Variants in TET3 observed in about 807,000 individuals in gnomAD.
TET3 encodes the protein methylcytosine dioxygenase TET3.
In TET3, 19 loss-of-function variants were observed where a neutral mutation model predicts 141.4. The ratio of observed to expected loss-of-function variants is 0.13; its 90% confidence interval spans 0.09 to 0.20. The LOEUF (loss-of-function observed/expected upper bound fraction) is 0.20. Among genes scored for constraint, TET3 ranks in the 10% least tolerant of loss-of-function variants. The pLI, the probability that TET3 is intolerant of heterozygous loss-of-function variation, is 1.00. For synonymous variants in TET3, 1,043 were observed against 980.9 expected, an observed-to-expected ratio of 1.06 and a Z score of -1.18; for missense variants, 1,874 against 2,356.9, an observed-to-expected ratio of 0.80 and a Z score of 4.24.
chr2:74,013,048 G>T (rs61678818), intron 3 of TET3, among the ~76,000 whole-genome samples: 18,183 of 150,108 alleles, frequency 0.12, 1,624 homozygotes, highest in East Asian at 0.49. Flanking sequence ...AGGCTGGAGC[G>T]CAATGGCATG....
At chr2:74,041,563 C>T (rs1687338537) in intron 3 of TET3, among the ~76,000 whole-genome samples, 1 of 152,140 alleles carries the variant, frequency 6.6e-6, no homozygotes, top group African/African-American at 2.4e-5. Context: ...AGGTTGCAAC[C>T]TGCATTTAAA....
Position 74,046,382 on chromosome 2 carries a change from G to C in TET3, c.465G>C (p.Pro155=). The C allele has an allele frequency of 6.5e-7, 1 of 1,543,816 alleles. No individual in the cohort carries two copies. The highest frequency in any genetic ancestry group is 1.3e-5 in the South Asian group (1 of 78,134). The change falls in exon 4 of 12, where the codon CCG becomes CCC. Residue 155 remains proline (P), a synonymous_variant. Coordinates refer to ENST00000409262, the MANE Select transcript of TET3 (RefSeq NM_001287491.2). The surrounding 1 kb of genome is among the most constrained non-coding windows in gnomAD (Gnocchi z 4.3). ...DSRQLSASGV[P]VNGAREPAGP... is the part of the protein sequence containing the mutation. Reference sequence around the variant, plus strand: ...GGCAGCTAAGCGCCTCAGGGGTGCCGGTCAATGGTGCTAGAGAGCCCGCTG... The same window carrying C: ...GGCAGCTAAGCGCCTCAGGGGTGCCCGTCAATGGTGCTAGAGAGCCCGCTG...
At chr2:74,001,170 T>A (rs1483860746) in intron 2 of TET3, among the ~76,000 whole-genome samples, 1 of 152,204 alleles carries the variant, frequency 6.6e-6, no homozygotes, top group Non-Finnish European at 1.5e-5. Flanking sequence ...GTATGGGCCC[T>A]GATGCCTCCT....
chr2:74,034,909 A>G (rs972685069), intron 3 of TET3, among the ~76,000 whole-genome samples: 1 of 151,728 alleles, frequency 6.6e-6, no homozygotes, highest in African/African-American at 2.4e-5. Context: ...GTGGTTGTTG[A>G]GGGCCGGGCG....
chr2:74,107,879 A>G lies in TET3; in HGVS notation c.*5703A>G, dbSNP rs1450845079. 1 of 151,150 alleles carries G rather than the reference A, an allele frequency of 6.6e-6. No individual in the cohort carries two copies. The highest frequency in any genetic ancestry group is 2.5e-5 in the African/African-American group (1 of 40,292). The allele number at this position is 151,150 out of a possible 1,614,324, so 9.4% of individuals were successfully genotyped here. On this transcript the variant is annotated 3_prime_UTR_variant, in exon 12 of 12. Coordinates refer to ENST00000409262, the MANE Select transcript of TET3 (RefSeq NM_001287491.2). Reference sequence around the variant, plus strand: ...TGTGTATTAAACTGTAGATATTCTTAGTACAGTAAATTTATGCTGATAATT... The same window carrying G: ...TGTGTATTAAACTGTAGATATTCTTGGTACAGTAAATTTATGCTGATAATT...
At chr2:74,113,315 C>T in the TET3 span, among the ~76,000 whole-genome samples, 9 of 151,806 alleles carry the variant, frequency 5.9e-5, no homozygotes, top group East Asian at 1.4e-3. Context: ...GAACCCGGGA[C>T]GTGGAGGTTG....
Position 74,014,872 on chromosome 2 carries a change from C to G in TET3, c.360+11706C>G, listed in dbSNP as rs183125260. Among the ~76,000 whole-genome samples the G allele has an allele frequency of 1.1e-4, 17 of 152,236 alleles. 1 individual carries two copies. Among genetic ancestry groups the G allele is most frequent in the Admixed American group, 7.2e-4 (11 of 15,298 alleles). ...GAAGAGTGTCCCAGGATGGAGAGAA[C>G]AGAAGAGAGGGACCCACAGTGCCAG... On this transcript the variant is annotated intron_variant, in intron 3 of 11. Transcript: ENST00000409262.
At chr2:74,005,942 C>T (rs1464245601) in intron 3 of TET3, among the ~76,000 whole-genome samples, 1 of 152,162 alleles carries the variant, frequency 6.6e-6, no homozygotes, top group Non-Finnish European at 1.5e-5. Flanking sequence ...GTGCCGAGAA[C>T]ACCGGGCCGC....
At chr2:74,022,933 G>A (rs548372504) in intron 3 of TET3, among the ~76,000 whole-genome samples, 30 of 151,644 alleles carry the variant, frequency 2.0e-4, no homozygotes, top group African/African-American at 6.3e-4. Context: ...TCGCCATCAC[G>A]CCTGGCTAAT....
chr2:74,002,102 T>G (rs1404161314), intron 2 of TET3, among the ~76,000 whole-genome samples: 1 of 152,116 alleles, frequency 6.6e-6, no homozygotes, highest in African/African-American at 2.4e-5. Flanking sequence ...GCATAGCTGT[T>G]AAGAGTATGG....
At chr2:74,023,777 AC>A (rs768396458) in intron 3 of TET3, among the ~76,000 whole-genome samples, 10 of 152,348 alleles carry the variant, frequency 6.6e-5, no homozygotes, top group Non-Finnish European at 1.3e-4. Flanking sequence ...AAAGCATTTC[AC>A]AGATGGTGGT....
chr2:74,076,450 T>G (rs927754752), intron 5 of TET3, among the ~76,000 whole-genome samples: 11 of 141,520 alleles, frequency 7.8e-5, no homozygotes, highest in African/African-American at 3.0e-4. Flanking sequence ...GGTTTTTTTT[T>G]TTTTTTTTTT....
At chr2:74,135,203 A>G in the TET3 span, 24 of 277,450 alleles carry the variant, frequency 8.7e-5, no homozygotes, top group Middle Eastern at 2.3e-3. Flanking sequence ...GATAAACGAA[A>G]AGAACAGCAA....
chr2:74,073,173 G>A (rs566188198), intron 4 of TET3, among the ~76,000 whole-genome samples: 39 of 152,300 alleles, frequency 2.6e-4, no homozygotes, highest in African/African-American at 7.5e-4. Context: ...CTGGAGGGAA[G>A]TAGCTTGCTG....
Position 74,005,824 on chromosome 2 carries a change from AT to A in TET3, c.360+2660del, listed in dbSNP as rs2105162803. ...CTTGATAAACGCAAGTTGACATTTT[AT>A]TGTTTGGTGCATTACATGTCTACCC... On this transcript the variant is annotated intron_variant, in intron 3 of 11. Transcript: ENST00000409262. 2.6e-5 allele frequency among the ~76,000 whole-genome samples: 4 copies of A among 152,306 alleles called. 1 individual carries two copies. Among genetic ancestry groups the A allele is most frequent in the African/African-American group, 9.6e-5 (4 of 41,560 alleles).
intron 2 of TET3, among the ~76,000 whole-genome samples, chr2:74,000,321 A>G (rs777138188): frequency 6.6e-5 from 10 of 152,180 alleles, no homozygotes; most frequent in Non-Finnish European, 1.2e-4. Context: ...AGCCTAGGAA[A>G]GTAGGGAAGA....
chr2:73,987,157 T>C (rs1684074463), intron 2 of TET3, among the ~76,000 whole-genome samples: 1 of 152,208 alleles, frequency 6.6e-6, no homozygotes, highest in African/African-American at 2.4e-5. Flanking sequence ...GATGTTTCTT[T>C]CATCGTTTTT....
At chr2:74,112,598 A>T (rs59673041), downstream of TET3, among the ~76,000 whole-genome samples, 5,711 of 152,290 alleles carry the variant, frequency 0.038, 374 homozygotes, top group African/African-American at 0.13. Context: ...AAAATTTTTT[A>T]AAATTATTTT....
chr2:74,088,540 C>G (rs1022749316), intron 7 of TET3, among the ~76,000 whole-genome samples: 5 of 152,072 alleles, frequency 3.3e-5, no homozygotes, highest in Non-Finnish European at 7.4e-5. Context: ...ACTCGGGAGG[C>G]TGAGACAGAA....
Sources: allele counts gnomAD v4.1 joint callset (sites outside exome capture counted in the v4.1 genomes callset), GRCh38; gene constraint gnomAD v4.1.1; non-coding constraint Gnocchi (gnomAD v3.1); transcripts MANE v1.5; gene names NCBI Gene and HGNC (gene_info 2026-07-23, HGNC 2026-07-21).